The following TTC17 variants were observed in gnomAD, a reference collection of about 807,000 sequenced individuals.
The protein encoded by TTC17 is tetratricopeptide repeat domain 17.
TTC17 carries 58 observed loss-of-function variants against 143.8 expected under a neutral mutation model. The ratio of observed to expected loss-of-function variants is 0.40; its 90% CI spans 0.33 to 0.50. The LOEUF is 0.50. Ranked by LOEUF, TTC17 falls within the 20% of genes least tolerant of loss-of-function variation. The probability of loss-of-function intolerance (pLI) is 0.49; values close to 1 mark genes in which losing one functional copy is unlikely to be tolerated. For synonymous variants in TTC17, 501 were observed against 497.8 expected (o/e 1.01, Z -0.09); for missense variants, 1,273 against 1,392.5 (o/e 0.91, Z 1.37).
At chr11:43,439,577 C>G (rs1947369801) in intron 16 of TTC17, among the ~76,000 whole-genome samples, 1 of 151,446 alleles carries the variant, frequency 6.6e-6, no homozygotes, top group Admixed American at 6.6e-5. Context: ...ATGCCATTCT[C>G]CTGCCTCAGC....
intron 13 of TTC17, among the ~76,000 whole-genome samples, chr11:43,406,175 A>G (rs905903683): frequency 1.3e-5 from 2 of 152,158 alleles, no homozygotes; most frequent in African/African-American, 2.4e-5. Flanking sequence ...CCTAAACACT[A>G]TTCCTCTAAC....
chr11:43,396,235 CT>C (rs896447537), intron 5 of TTC17: 71 of 144,342 alleles, frequency 4.9e-4, no homozygotes, highest in African/African-American at 5.3e-4. Flanking sequence ...GCCCTTTTTC[CT>C]TTTTTTTTTT....
At chr11:43,470,291 C>A (rs139338406) in intron 21 of TTC17, among the ~76,000 whole-genome samples, 3 of 152,320 alleles carry the variant, frequency 2.0e-5, no homozygotes, top group African/African-American at 7.2e-5. Flanking sequence ...AGGGGCCATT[C>A]TCTGCCCACC....
chr11:43,405,501 G>C lies in TTC17; in HGVS notation c.1480-13G>C, dbSNP rs982664354. 1 of 1,597,074 alleles carries C rather than the reference G, an allele frequency of 6.3e-7. No individual in the cohort carries two copies. The highest frequency in any genetic ancestry group is 8.6e-7 in the Non-Finnish European group (1 of 1,168,874). On this transcript the variant is annotated splice_polypyrimidine_tract_variant and intron_variant, in intron 11 of 23. Coordinates refer to ENST00000039989, the MANE Select transcript of TTC17 (RefSeq NM_018259.6). The stretch of plus-strand genomic sequence containing the variant: ...TCCAAAGAAATTTATGAGAAATTTT[G>C]TTTCTTTATCAGGACAAACAGCATA...
At chr11:43,431,875 A>G (rs1947167611) in intron 16 of TTC17, among the ~76,000 whole-genome samples, 1 of 152,240 alleles carries the variant, frequency 6.6e-6, no homozygotes. Flanking sequence ...ACGATTCACA[A>G]AAAGGTAAAG....
At chr11:43,389,336 T>C (rs538998220) in intron 2 of TTC17, among the ~76,000 whole-genome samples, 7 of 152,168 alleles carry the variant, frequency 4.6e-5, no homozygotes, top group Non-Finnish European at 1.0e-4. Flanking sequence ...ACCTGACAGG[T>C]TTGTTTTCAC....
At chr11:43,373,894 A>T (rs902721092) in intron 1 of TTC17, among the ~76,000 whole-genome samples, 4 of 152,220 alleles carry the variant, frequency 2.6e-5, no homozygotes, top group African/African-American at 9.7e-5. Flanking sequence ...GGCAGGGAAG[A>T]TGATCTGTTT....
intron 21 of TTC17, among the ~76,000 whole-genome samples, chr11:43,477,144 C>T (rs972365287): frequency 6.6e-6 from 1 of 152,200 alleles, no homozygotes; most frequent in Non-Finnish European, 1.5e-5. Context: ...CACCTTTGCT[C>T]CAGTTCCCAA....
At chr11:43,472,287 G>A (rs1948106461) in intron 21 of TTC17, among the ~76,000 whole-genome samples, 1 of 152,134 alleles carries the variant, frequency 6.6e-6, no homozygotes, top group African/African-American at 2.4e-5. Flanking sequence ...AGGCTGCAGT[G>A]AGCTATGATT....
intron 21 of TTC17, among the ~76,000 whole-genome samples, chr11:43,475,940 G>A (rs1948176770): frequency 6.6e-6 from 1 of 152,226 alleles, no homozygotes; most frequent in Non-Finnish European, 1.5e-5. Flanking sequence ...ACAGATGTGA[G>A]AATGATGGCG....
chr11:43,466,711 C>G, intron 21 of TTC17: 1 of 358,156 alleles, frequency 2.8e-6, no homozygotes, highest in South Asian at 2.7e-5. Flanking sequence ...ACAAATGAGT[C>G]CCAGTTTTTC....
At chr11:43,378,299 A>G (rs993423962) in intron 1 of TTC17, among the ~76,000 whole-genome samples, 1 of 152,204 alleles carries the variant, frequency 6.6e-6, no homozygotes, top group African/African-American at 2.4e-5. Flanking sequence ...AAATACCTGT[A>G]GAGTCATGTA....
intron 16 of TTC17, among the ~76,000 whole-genome samples, chr11:43,440,670 C>T (rs531521555): frequency 1.3e-5 from 2 of 152,100 alleles, no homozygotes; most frequent in Non-Finnish European, 2.9e-5. Context: ...ACCCCAGTTC[C>T]GATACACAAA....
chr11:43,375,018 A>G (rs922713082), intron 1 of TTC17, among the ~76,000 whole-genome samples: 1 of 152,228 alleles, frequency 6.6e-6, no homozygotes, highest in Non-Finnish European at 1.5e-5. Flanking sequence ...TCTGTATTAT[A>G]AAGTTTTCAT....
intron 3 of TTC17, 29 bp from the exon 4 acceptor site, chr11:43,391,433 TTTA>T (rs1197686380): frequency 7.7e-7 from 1 of 1,306,260 alleles, no homozygotes; most frequent in Admixed American, 1.9e-5. Context: ...TATCTCACCT[TTTA>T]TTCATTCATT....
chr11:43,446,999 G>C (rs1246925584), intron 18 of TTC17, among the ~76,000 whole-genome samples: 2 of 152,120 alleles, frequency 1.3e-5, no homozygotes, highest in African/African-American at 4.8e-5. Context: ...CTGAGTCTCT[G>C]TTTTCTCATC....
chr11:43,400,621 A>G (rs996513538), intron 9 of TTC17, among the ~76,000 whole-genome samples: 1 of 152,218 alleles, frequency 6.6e-6, no homozygotes, highest in Non-Finnish European at 1.5e-5. Context: ...ACCTGGGTCA[A>G]TGGATTAGTT....
At chr11:43,461,789 A>C (rs1032431784) in intron 21 of TTC17, among the ~76,000 whole-genome samples, 2 of 152,206 alleles carry the variant, frequency 1.3e-5, no homozygotes, top group Non-Finnish European at 1.5e-5. Context: ...ATAGAGTTTA[A>C]AAGTCCTAAG....
chr11:43,479,324 G>T (rs1451101256), intron 21 of TTC17, among the ~76,000 whole-genome samples: 1 of 152,028 alleles, frequency 6.6e-6, no homozygotes, highest in Non-Finnish European at 1.5e-5. Flanking sequence ...TGATTACAAA[G>T]ATGAGAAACA....
Sources: gnomAD v4.1 joint callset for allele counts (sites outside exome capture counted in the v4.1 genomes callset) on GRCh38, gnomAD v4.1.1 for gene constraint, MANE v1.5 for transcripts, NCBI Gene and HGNC (gene_info 2026-07-23, HGNC 2026-07-21) for gene names.